The following PDE4D variants were observed in gnomAD, a reference collection of about 807,000 sequenced individuals.
PDE4D encodes phosphodiesterase 4D, also known as 3',5'-cyclic-AMP phosphodiesterase 4D.
In PDE4D, 24 loss-of-function variants were observed where a neutral mutation model predicts 87.4. The observed-to-expected ratio is 0.27, with a 90% CI of 0.20 to 0.39. The LOEUF is 0.39. Ranked by LOEUF, PDE4D falls within the 10% of genes least tolerant of loss-of-function variation. PDE4D has a pLI of 1.00. For synonymous variants in PDE4D, 384 were observed against 383.2 expected (o/e 1.00, Z -0.02); for missense variants, 714 against 1,041.0 (o/e 0.69, Z 4.32).
At chr5:60,084,679 A>C (rs1405639919) in intron 2 of PDE4D, among the ~76,000 whole-genome samples, 1 of 152,256 alleles carries the variant, frequency 6.6e-6, no homozygotes, top group Non-Finnish European at 1.5e-5. Flanking sequence ...AAAGTTTGTC[A>C]CTGCAGGGCT....
At chr5:59,747,769 A>G (rs1033172912) in intron 1 of PDE4D, among the ~76,000 whole-genome samples, 2 of 152,146 alleles carry the variant, frequency 1.3e-5, no homozygotes, top group African/African-American at 4.8e-5. Context: ...GTGAGGACTG[A>G]ACAATCAGCA....
intron 2 of PDE4D, among the ~76,000 whole-genome samples, chr5:60,027,748 C>T (rs1766792055): frequency 6.6e-6 from 1 of 152,174 alleles, no homozygotes; most frequent in African/African-American, 2.4e-5. Context: ...CTCAATACAG[C>T]AAAACCTTGT....
intron 2 of PDE4D, among the ~76,000 whole-genome samples, chr5:60,043,752 A>G (rs1458119168): frequency 6.6e-6 from 1 of 151,484 alleles, no homozygotes; most frequent in Non-Finnish European, 1.5e-5. Context: ...CGTAGATTTC[A>G]GTTTTTGACC....
chr5:59,345,952 C>T (rs191515032), intron 1 of PDE4D, among the ~76,000 whole-genome samples: 1 of 152,134 alleles, frequency 6.6e-6, no homozygotes, highest in Admixed American at 6.5e-5. Flanking sequence ...TTCATAATGG[C>T]CTAAAACTGG....
chr5:60,140,380 C>T (rs6859376), intron 2 of PDE4D, among the ~76,000 whole-genome samples: 76,958 of 151,526 alleles, frequency 0.51, 19,930 homozygotes, highest in Admixed American at 0.55. Flanking sequence ...AGGTGGAACT[C>T]GGGTATAGTC....
At chr5:59,086,772 C>T (rs762061779) in intron 5 of PDE4D, among the ~76,000 whole-genome samples, 21 of 152,242 alleles carry the variant, frequency 1.4e-4, no homozygotes, top group Admixed American at 2.6e-4. Flanking sequence ...TGAGTCCTCC[C>T]TCTCTCAAGC....
chr5:59,768,164 C>T (rs1479727250), intron 1 of PDE4D: 1 of 1,518,558 alleles, frequency 6.6e-7, no homozygotes, highest in Non-Finnish European at 8.9e-7. Context: ...TCCTCCCTCC[C>T]TACCCCCAAA....
intron 1 of PDE4D, among the ~76,000 whole-genome samples, chr5:59,833,156 G>T (rs991488009): frequency 6.6e-6 from 1 of 152,074 alleles, no homozygotes; most frequent in Admixed American, 6.6e-5. Context: ...AGAGTGTACT[G>T]GCATCTGTGG....
chr5:59,633,565 G>C (rs1020625636), intron 1 of PDE4D, among the ~76,000 whole-genome samples: 3 of 152,206 alleles, frequency 2.0e-5, no homozygotes, highest in African/African-American at 7.2e-5. Context: ...CAAGCCAGAA[G>C]AGAGTGGGGG....
At chr5:59,995,982 G>C (rs1389214318) in intron 2 of PDE4D, among the ~76,000 whole-genome samples, 1 of 152,180 alleles carries the variant, frequency 6.6e-6, no homozygotes, top group Non-Finnish European at 1.5e-5. Context: ...TAGCAATGTA[G>C]TATTTGTAAC....
chr5:59,768,882 T>C (rs1763155233), intron 1 of PDE4D, among the ~76,000 whole-genome samples: 1 of 152,192 alleles, frequency 6.6e-6, no homozygotes, highest in Non-Finnish European at 1.5e-5. Flanking sequence ...CTTATGTACA[T>C]AAAAAGTCCT....
intron 1 of PDE4D, among the ~76,000 whole-genome samples, chr5:60,502,483 C>A (rs1191149748): frequency 6.6e-6 from 1 of 151,982 alleles, no homozygotes. Flanking sequence ...CTTGGCAATG[C>A]GGGATCTTTT....
intron 1 of PDE4D, among the ~76,000 whole-genome samples, chr5:59,856,693 G>A (rs1407403877): frequency 2.0e-5 from 3 of 152,150 alleles, no homozygotes; most frequent in Non-Finnish European, 4.4e-5. Flanking sequence ...TTCAACTGAA[G>A]TAAATCATGG....
At chr5:59,941,288 A>G (rs561952205) in intron 3 of PDE4D, among the ~76,000 whole-genome samples, 31 of 152,156 alleles carry the variant, frequency 2.0e-4, no homozygotes, top group Admixed American at 1.8e-3. Flanking sequence ...CAGCTGTTCA[A>G]CTCCACTAAT....
intron 6 of PDE4D, among the ~76,000 whole-genome samples, chr5:59,026,559 C>A (rs2968002): frequency 6.6e-6 from 1 of 151,820 alleles, no homozygotes. Flanking sequence ...CTAAAAACAC[C>A]GTAGAAGACC....
chr5:59,196,734 G>A (rs540784284), intron 2 of PDE4D, among the ~76,000 whole-genome samples: 5 of 152,028 alleles, frequency 3.3e-5, no homozygotes, highest in South Asian at 2.1e-4. Context: ...TTAGAAGTCC[G>A]AAGACAAAAA....
At chr5:60,232,893 A>G (rs1040113463) in intron 1 of PDE4D, among the ~76,000 whole-genome samples, 4 of 151,892 alleles carry the variant, frequency 2.6e-5, no homozygotes, top group Non-Finnish European at 4.4e-5. Context: ...AGAAAAATAA[A>G]AATGTAATAG....
At chr5:60,405,774 C>T (rs1477166246) in intron 1 of PDE4D, among the ~76,000 whole-genome samples, 3 of 152,124 alleles carry the variant, frequency 2.0e-5, no homozygotes, top group African/African-American at 7.2e-5. Context: ...TCTAAAACAC[C>T]ATTTCTAGAT....
chr5:59,070,811 G>T (rs147150111), intron 5 of PDE4D, among the ~76,000 whole-genome samples: 73 of 152,148 alleles, frequency 4.8e-4, no homozygotes, highest in African/African-American at 1.2e-3. Context: ...AACACATCAA[G>T]AATTTTATTA....
Sources: gnomAD v4.1 joint callset for allele counts (sites outside exome capture counted in the v4.1 genomes callset) on GRCh38, gnomAD v4.1.1 for gene constraint, MANE v1.5 for transcripts, NCBI Gene and HGNC (gene_info 2026-07-23, HGNC 2026-07-21) for gene names.